The following DNAH7 variants were observed in gnomAD, a reference collection of about 807,000 sequenced individuals.
The protein encoded by DNAH7 is axonemal beta dynein heavy chain 7.
In DNAH7, 397 loss-of-function variants were observed where a neutral mutation model predicts 444.6. That is an observed-to-expected ratio of 0.89 (90% CI 0.82 to 0.97). The LOEUF is 0.97. Among genes scored for constraint, DNAH7 ranks in the 50% least tolerant of loss-of-function variants. The probability of loss-of-function intolerance (pLI) is 0.00; values close to 1 mark genes in which losing one functional copy is unlikely to be tolerated. For missense variants in DNAH7, 4,902 were observed against 4,800.8 expected, an observed-to-expected ratio of 1.02 and a Z score of -0.62; for synonymous variants, 1,636 against 1,624.4, an observed-to-expected ratio of 1.01 and a Z score of -0.17.
At chr2:195,818,442 T>C (rs1697320338) in intron 49 of DNAH7, among the ~76,000 whole-genome samples, 2 of 152,300 alleles carry the variant, frequency 1.3e-5, no homozygotes, top group South Asian at 4.1e-4. Context: ...TAATTGCTCT[T>C]ACAGGCAGGT....
intron 51 of DNAH7, among the ~76,000 whole-genome samples, chr2:195,810,118 G>T (rs903524662): frequency 5.3e-5 from 8 of 151,872 alleles, no homozygotes; most frequent in Non-Finnish European, 1.0e-4. Context: ...TTGGAAAAAA[G>T]TTAGTGGATG....
chr2:195,917,629 C>A (rs543444407), intron 24 of DNAH7, among the ~76,000 whole-genome samples: 2 of 152,166 alleles, frequency 1.3e-5, no homozygotes, highest in Admixed American at 1.3e-4. Flanking sequence ...CTGGCTTATG[C>A]CCTTCTGTCA....
intron 49 of DNAH7, among the ~76,000 whole-genome samples, chr2:195,818,783 G>T (rs1022240634): frequency 6.6e-6 from 1 of 151,958 alleles, no homozygotes; most frequent in Non-Finnish European, 1.5e-5. Context: ...AATAAACACT[G>T]TCTTGACCTT....
chr2:195,900,238 CTACAAATAGGAAATT>C, intron 28 of DNAH7, 29 bp downstream of exon 28: 2 of 1,595,676 alleles, frequency 1.3e-6, no homozygotes, highest in Non-Finnish European at 1.7e-6. Context: ...GGCTGGAAAT[CTACAAATAGGAAATT>C]TACAAGTAAG....
Position 196,019,310 on chromosome 2 carries a change from AAT to A in DNAH7, c.744-17_744-16del, listed in dbSNP as rs1327245049. On this transcript the variant is annotated splice_polypyrimidine_tract_variant and intron_variant, in intron 8 of 64. Coordinates refer to ENST00000312428, the MANE Select transcript of DNAH7 (RefSeq NM_018897.3). ...GAATTTCCATTCTGAAAACAAAGAA[AAT>A]ATTTAGTTACAGTCTCAAAAAAAGT... 2.1e-5 allele frequency: 31 copies of A among 1,454,524 alleles called. No homozygotes were observed. Among genetic ancestry groups the A allele is most frequent in the Non-Finnish European group, 2.9e-5 (31 of 1,086,318 alleles). The allele number at this position is 1,454,524 out of a possible 1,614,324, so 90.1% of individuals were successfully genotyped here.
At chr2:195,819,990 C>T (rs1351292088) in intron 49 of DNAH7, among the ~76,000 whole-genome samples, 1 of 152,108 alleles carries the variant, frequency 6.6e-6, no homozygotes, top group African/African-American at 2.4e-5. Context: ...TTGCTCTTGG[C>T]AAACGAAACA....
rs200677933 is a variant in DNAH7, at chr2:195,923,631, G to A, written c.3789C>T (p.Asp1263=). ...ACCTAAGCTGACTTAACCATTCAAA[G>A]TCAGAGTCATCGCTAATATTTTTTT... ...LVKKNISDDS[D]FEWLSQLRYY... The change falls in exon 23 of 65, where the codon GAC becomes GAT. Residue 1263 remains aspartate, a synonymous_variant. Coordinates refer to ENST00000312428, the MANE Select transcript of DNAH7 (RefSeq NM_018897.3). 1.4e-4 allele frequency: 224 copies of A among 1,614,122 alleles called. No individual in the cohort carries two copies. The African/African-American group carries it at 2.7e-3, about 19-fold the overall frequency.
rs370797041 is a variant in DNAH7, at chr2:196,028,003, G to T, written c.443C>A (p.Thr148Lys). The change falls in exon 6 of 65, where the codon ACA becomes AAA. Residue 148 changes from threonine to lysine, a missense_variant. By Grantham distance (78) the Thr-to-Lys change is moderately conservative. Transcript: ENST00000312428. ...AGCAGAAGCGGTCGGTTTTGGAATT[G>T]TGCTTCCATCAGGGACAGCTGAGTC... is the stretch of plus-strand genomic sequence containing the variant. The part of the protein sequence containing the change: ...DLDSAVPDGS[T>K]IPKPTASAIE... 6.8e-6 allele frequency: 11 copies of T among 1,611,714 alleles called. No homozygotes were observed. The African/African-American group carries it at 1.3e-4, about 20-fold the overall frequency.
At chr2:195,775,781 G>C (rs1204860641) in intron 60 of DNAH7, 65 bp downstream of exon 60, 3 of 1,546,950 alleles carry the variant, frequency 1.9e-6, no homozygotes, top group Non-Finnish European at 2.6e-6. Flanking sequence ...GTTCAGTGCT[G>C]GCACACGTGC....
At chr2:195,930,276 G>A (rs560813997) in intron 21 of DNAH7, among the ~76,000 whole-genome samples, 6 of 152,030 alleles carry the variant, frequency 3.9e-5, no homozygotes, top group African/African-American at 1.4e-4. Flanking sequence ...CAGGAGATGG[G>A]GGTTGCAGTG....
chr2:195,842,372 T>C (rs1399330754), intron 47 of DNAH7, among the ~76,000 whole-genome samples: 1 of 152,092 alleles, frequency 6.6e-6, no homozygotes, highest in South Asian at 2.1e-4. Context: ...TAAGATAATA[T>C]GTGAAAAGCA....
intron 21 of DNAH7, among the ~76,000 whole-genome samples, chr2:195,929,100 T>G (rs912000716): frequency 2.0e-5 from 3 of 151,892 alleles, no homozygotes; most frequent in African/African-American, 4.8e-5. Context: ...GAGAGCCAAA[T>G]CAAGAATGCA....
chr2:196,033,616 T>C (rs1431923618), intron 5 of DNAH7, among the ~76,000 whole-genome samples: 1 of 152,200 alleles, frequency 6.6e-6, no homozygotes, highest in Non-Finnish European at 1.5e-5. Context: ...AGTTAAATGA[T>C]AAAATTTCCC....
In DNAH7 at chr2:195,775,993, T is replaced by C. The variant is rs2105948495; in HGVS notation, c.11065-10A>G. 1 of 1,612,066 alleles carries C rather than the reference T, an allele frequency of 6.2e-7. No individual in the cohort carries two copies. Among genetic ancestry groups the C allele is most frequent in the African/African-American group, 1.3e-5 (1 of 74,896 alleles). On this transcript the variant is annotated splice_polypyrimidine_tract_variant and intron_variant, in intron 59 of 64. Transcript: ENST00000312428. ...CGATGTAGCTTTTGTGCTGCAGAGATGAATAACAAGAAGTCAGGAGGTTAG... is the reference window on the plus strand; with the variant it reads ...CGATGTAGCTTTTGTGCTGCAGAGACGAATAACAAGAAGTCAGGAGGTTAG...
chr2:196,007,405 T>C (rs1694442528), intron 10 of DNAH7, among the ~76,000 whole-genome samples: 1 of 152,082 alleles, frequency 6.6e-6, no homozygotes, highest in South Asian at 2.1e-4. Context: ...CCTCAGACCA[T>C]GTATAAGTTA....
intron 11 of DNAH7, 40 bp downstream of exon 11, chr2:196,001,635 A>G (rs1694040013): frequency 7.0e-7 from 1 of 1,423,386 alleles, no homozygotes. Context: ...AAAAATAAAT[A>G]AATTTGTAAA....
At chr2:196,013,796 A>T in intron 9 of DNAH7, among the ~76,000 whole-genome samples, 1 of 152,232 alleles carries the variant, frequency 6.6e-6, no homozygotes, top group East Asian at 1.9e-4. Flanking sequence ...ATAATAGCAC[A>T]TAGTAAACAT....
intron 2 of DNAH7, 128 bp downstream of exon 2, chr2:196,057,926 A>T: frequency 1.4e-6 from 1 of 698,402 alleles, no homozygotes; most frequent in African/African-American, 1.8e-5. Context: ...ATCAGAAAAG[A>T]ATCAAATGGA....
Position 195,817,764 on chromosome 2 carries a change from C to T in DNAH7, c.9357G>A (p.Val3119=), listed in dbSNP as rs1276843687. 6.2e-7 allele frequency: 1 copy of T among 1,613,190 alleles called. No homozygotes were observed. The highest frequency in any genetic ancestry group is 8.5e-7 in the Non-Finnish European group (1 of 1,179,586). The change falls in exon 50 of 65, where the codon GTG becomes GTA. Residue 3119 remains valine (V), a synonymous_variant. Coordinates refer to ENST00000312428, the MANE Select transcript of DNAH7 (RefSeq NM_018897.3). ...CTTCAAGGTCTGGCCTTTCTTGTGC[C>T]ACCACAATTCCCAGAAGCTGATCTT... ...GMQDQLLGIV[V]AQERPDLEEE...
Sources: allele counts gnomAD v4.1 joint callset (sites outside exome capture counted in the v4.1 genomes callset), GRCh38; gene constraint gnomAD v4.1.1; transcripts MANE v1.5; gene names NCBI Gene and HGNC (gene_info 2026-07-23, HGNC 2026-07-21).